C19orf53: variants seen among roughly 807,000 people sequenced by gnomAD.
C19orf53 encodes the protein chromosome 19 open reading frame 53, also known as leydig cell tumor 10 kDa protein homolog.
In C19orf53, 9 loss-of-function variants were observed where a neutral mutation model predicts 6.5. The observed-to-expected ratio is 1.38, with a 90% CI of 0.83 to 2.40. C19orf53 has a LOEUF of 2.40. Among genes scored for constraint, C19orf53 ranks in the 30% most tolerant of loss-of-function variants. The probability of loss-of-function intolerance (pLI) is 0.00; values close to 1 mark genes in which losing one functional copy is unlikely to be tolerated. For synonymous variants in C19orf53, 68 were observed against 52.5 expected, an observed-to-expected ratio of 1.29 and a Z score of -1.27; for missense variants, 166 against 129.7, an observed-to-expected ratio of 1.28 and a Z score of -1.36.
intron 2 of C19orf53, 131 bp downstream of exon 2, chr19:13,774,838 GGAGCGAGGGGATA>G: frequency 8.0e-7 from 1 of 1,252,516 alleles, no homozygotes; most frequent in Non-Finnish European, 1.1e-6. Context: ...GGACGAGCTA[GGAGCGAGGGGATA>G]GAGCCAGGGG....
At chr19:13,775,207 T>C (rs189483673) in intron 2 of C19orf53, among the ~76,000 whole-genome samples, 1 of 152,130 alleles carries the variant, frequency 6.6e-6, no homozygotes, top group African/African-American at 2.4e-5. Context: ...CGAGGTGACA[T>C]GGGAAGGGAA....
chr19:13,776,124 A>ATTTTTTTTTTTTTTTTTTT (rs57201742), intron 2 of C19orf53, among the ~76,000 whole-genome samples: 4 of 84,920 alleles, frequency 4.7e-5, no homozygotes, highest in Non-Finnish European at 6.7e-5. Flanking sequence ...CACCGGGCTA[A>ATTTTTTTTTTTTTTTTTTT]TTTTTTTTTT....
chr19:13,776,435 C>T (rs1974372908), intron 2 of C19orf53, among the ~76,000 whole-genome samples: 1 of 152,022 alleles, frequency 6.6e-6, no homozygotes, highest in Admixed American at 6.6e-5. Context: ...CCAGAGGGTG[C>T]CCATGAGCAC....
At position 13,778,426 on chromosome 19, in the gene C19orf53, G is replaced by T; in HGVS notation, c.*228G>T. 1 of 448,054 alleles carries T rather than the reference G, an allele frequency of 2.2e-6. No individual in the cohort carries two copies. The highest frequency in any genetic ancestry group is 3.9e-6 in the Non-Finnish European group (1 of 257,860). 27.8% of individuals were successfully genotyped at this position (448,054 alleles called of 1,614,324 possible). ...CCCCTTCCCAGGTCCTGCCTCCACA[G>T]GTTTAACCCAGAACAATAAACCTGG... On this transcript the variant is annotated 3_prime_UTR_variant, in exon 3 of 3. Coordinates refer to ENST00000588234, the MANE Select transcript of C19orf53 (RefSeq NM_014047.3).
At chr19:13,777,958 A>G in intron 2 of C19orf53, 94 bp from the exon 3 acceptor site, 3 of 1,479,156 alleles carry the variant, frequency 2.0e-6, no homozygotes, top group Non-Finnish European at 2.7e-6. Context: ...TTGCTGATCT[A>G]GCCCCCTGCG....
In C19orf53 at chr19:13,774,496, A is replaced by C. The variant is rs778547985; in HGVS notation, c.19A>C (p.Lys7Gln). 6.2e-7 allele frequency: 1 copy of C among 1,611,536 alleles called. No individual in the cohort carries two copies. Among genetic ancestry groups the C allele is most frequent in the Non-Finnish European group, 8.5e-7 (1 of 1,178,964 alleles). ...CCGGACCATGGCGCAGGGGCAGCGC[A>C]AGTTTCAGGCGCACAAACCCGCAAA... MAQGQRKFQAHKPAKSK... is the reference protein window; with the variant it reads MAQGQRQFQAHKPAKSK... Residue 7 changes from lysine to glutamine, a missense_variant, in exon 1 of 3, where the codon AAG becomes CAG. By Grantham distance (53) the Lys-to-Gln change is moderately conservative. Transcript: ENST00000588234.
intron 2 of C19orf53, among the ~76,000 whole-genome samples, chr19:13,776,124 A>ATTTTTTTTT (rs57201742): frequency 2.4e-5 from 2 of 84,920 alleles, no homozygotes; most frequent in Non-Finnish European, 4.5e-5. Context: ...CACCGGGCTA[A>ATTTTTTTTT]TTTTTTTTTT....
At chr19:13,777,366 G>A (rs10401231) in intron 2 of C19orf53, among the ~76,000 whole-genome samples, 4,513 of 152,094 alleles carry the variant, frequency 0.03, 212 homozygotes, top group African/African-American at 0.1. Context: ...CAGCTGAGAC[G>A]AGAGGCACGC....
intron 2 of C19orf53, among the ~76,000 whole-genome samples, chr19:13,777,079 G>A (rs1974378940): frequency 6.6e-6 from 1 of 151,958 alleles, no homozygotes; most frequent in Admixed American, 6.6e-5. Flanking sequence ...AGCCTCTCGA[G>A]TAGCTGGGAT....
At position 13,778,375 on chromosome 19, in the gene C19orf53, A is replaced by C; in HGVS notation, c.*177A>C. ...AACCCAGCAATGACCAGGAAGATAC[A>C]GTCACTAACTTCATCTGTCCCCGTG... On this transcript the variant is annotated 3_prime_UTR_variant, in exon 3 of 3. Transcript: ENST00000588234. 1.5e-6 allele frequency: 1 copy of C among 689,382 alleles called. No homozygotes were observed. The highest frequency in any genetic ancestry group is 2.2e-6 in the Non-Finnish European group (1 of 452,460). The allele number at this position is 689,382 out of a possible 1,614,324, so 42.7% of individuals were successfully genotyped here.
In C19orf53 at chr19:13,778,330, TG is replaced by T. The variant is rs1974391139; in HGVS notation, c.*137del. On this transcript the variant is annotated 3_prime_UTR_variant, in exon 3 of 3. Transcript: ENST00000588234. ...CACTGGGCTTCACCTAGAACTTCAG[TG>T]GGGGCCAAGGGTGCTGAGAACCCAG... is the stretch of plus-strand genomic sequence containing the variant. 7.7e-6 allele frequency: 9 copies of T among 1,169,368 alleles called. No homozygotes were observed. The South Asian group carries it at 1.8e-4, about 23-fold the overall frequency. The allele number at this position is 1,169,368 out of a possible 1,614,324, so 72.4% of individuals were successfully genotyped here.
At chr19:13,775,147 C>T (rs1342708787) in intron 2 of C19orf53, among the ~76,000 whole-genome samples, 2 of 152,140 alleles carry the variant, frequency 1.3e-5, no homozygotes, top group Non-Finnish European at 2.9e-5. Context: ...GTTCCAATAA[C>T]GTCAGCCTCT....
In C19orf53 at chr19:13,778,040, C is replaced by T; in HGVS notation, c.154-12C>T. 1 of 1,603,030 alleles carries T rather than the reference C, an allele frequency of 6.2e-7. No individual in the cohort carries two copies. The highest frequency in any genetic ancestry group is 8.5e-7 in the Non-Finnish European group (1 of 1,173,666). ...CAGGTCACAATCTGACTGCCCCGTG[C>T]TTCTCCCTCAGAACCTAGAAGTCGG... On this transcript the variant is annotated splice_polypyrimidine_tract_variant and intron_variant, in intron 2 of 2. Transcript: ENST00000588234.
intron 2 of C19orf53, 59 bp from the exon 3 acceptor site, chr19:13,777,985 AGGGTGACT>A (rs1974387345): frequency 6.5e-7 from 1 of 1,535,430 alleles, no homozygotes; most frequent in East Asian, 2.3e-5. Context: ...AGCCAGGAAG[AGGGTGACT>A]GGTCAGGCCC....
At chr19:13,776,828 A>T (rs931541165) in intron 2 of C19orf53, among the ~76,000 whole-genome samples, 6 of 152,178 alleles carry the variant, frequency 3.9e-5, no homozygotes, top group African/African-American at 1.2e-4. Flanking sequence ...AGTGTAACAT[A>T]TTACGCTACT....
At chr19:13,775,492 TCGGGCTGGTC>T (rs1465417617) in intron 2 of C19orf53, 1 of 152,186 alleles carries the variant, frequency 6.6e-6, no homozygotes, top group Non-Finnish European at 1.5e-5. Flanking sequence ...ACTATGCTGC[TCGGGCTGGTC>T]TTGAACTCCT....
In C19orf53 at chr19:13,778,082, G is replaced by C; in HGVS notation, c.184G>C (p.Glu62Gln). ...NLEVGIRKKI[E>Q]HDVVMKASSS... ...AGAAGTCGGAATCCGGAAGAAGATC[G>C]AACATGACGTGGTGATGAAAGCCAG... The change falls in exon 3 of 3, where the codon GAA becomes CAA. Residue 62 changes from glutamate (E) to glutamine (Q), a missense_variant. Glu to Gln is a conservative substitution (Grantham distance 29). Coordinates refer to ENST00000588234, the MANE Select transcript of C19orf53 (RefSeq NM_014047.3). The C allele has an allele frequency of 1.1e-5, 17 of 1,612,694 alleles. No homozygotes were observed. The highest frequency in any genetic ancestry group is 1.4e-5 in the Non-Finnish European group (17 of 1,179,196).
intron 1 of C19orf53, 36 bp downstream of exon 1, chr19:13,774,610 A>AC: frequency 6.2e-7 from 1 of 1,612,832 alleles, no homozygotes; most frequent in Non-Finnish European, 8.5e-7. Flanking sequence ...GGCGAGGTGG[A>AC]CCCCCGGCTT....
Position 13,774,708 on chromosome 19 carries a change from G to T in C19orf53, c.153+1G>T, listed in dbSNP as rs1436926638. On this transcript the variant is annotated splice_donor_variant, in intron 2 of 2. Coordinates refer to ENST00000588234, the MANE Select transcript of C19orf53 (RefSeq NM_014047.3). LOFTEE classifies it high-confidence loss of function. ...CGTGCAGCAGCAAAAGCTCAAGAAG[G>T]TGTGCGGGGGCGAGAGATGGAGCCC... 1 of 1,599,342 alleles carries T rather than the reference G, an allele frequency of 6.3e-7. No homozygotes were observed. Among genetic ancestry groups the T allele is most frequent in the Admixed American group, 1.7e-5 (1 of 58,930 alleles).
Sources: gnomAD v4.1 joint callset for allele counts (sites outside exome capture counted in the v4.1 genomes callset) on GRCh38, gnomAD v4.1.1 for gene constraint, MANE v1.5 for transcripts, NCBI Gene and HGNC (gene_info 2026-07-23, HGNC 2026-07-21) for gene names.